Variants in IZUMO1 observed in about 807,000 individuals in gnomAD.
IZUMO1 encodes the protein izumo sperm-egg fusion protein 1.
A neutral mutation model predicts 40.7 loss-of-function variants in IZUMO1; 44 were observed. That is an observed-to-expected ratio of 1.08 (90% CI 0.85 to 1.39). The LOEUF (loss-of-function observed/expected upper bound fraction) is 1.39. IZUMO1 is among the 40% of genes most tolerant of loss of function. The pLI, the probability that IZUMO1 is intolerant of heterozygous loss-of-function variation, is 0.00. For missense variants in IZUMO1, 368 were observed against 436.9 expected, an observed-to-expected ratio of 0.84 and a Z score of 1.41; for synonymous variants, 149 against 170.9, an observed-to-expected ratio of 0.87 and a Z score of 1.00.
chr19:48,743,096 A>G, intron 6 of IZUMO1: 1 of 291,430 alleles, frequency 3.4e-6, no homozygotes, highest in South Asian at 3.7e-5. Context: ...GTATGATCAT[A>G]GCTTACTGCA....
At chr19:48,745,446 A>C in intron 2 of IZUMO1, 158 bp from the exon 3 acceptor site, 1 of 1,020,980 alleles carries the variant, frequency 9.8e-7, no homozygotes, top group Non-Finnish European at 1.5e-6. Flanking sequence ...TTATTACATA[A>C]AATTGCCAGC....
rs753700594 is a variant in IZUMO1, at chr19:48,742,342, G to A, written c.500-33C>T. 4 of 1,492,572 alleles carry A rather than the reference G, an allele frequency of 2.7e-6. No homozygotes were observed. The Admixed American group carries it at 6.7e-5, about 25-fold the overall frequency. 92.5% of individuals were successfully genotyped at this position (1,492,572 alleles called of 1,614,324 possible). On this transcript the variant is annotated intron_variant, in intron 6 of 9. Transcript: ENST00000332955. The stretch of plus-strand genomic sequence containing the variant: ...TGGGGGATGACCATGGGACACTCAT[G>A]ATTCTGTTTTTGTTTTTGTTTTTGA...
In IZUMO1 at chr19:48,744,479, GT is replaced by G. The variant is rs1365043184; in HGVS notation, c.370del (p.Thr124ProfsTer18). On this transcript the variant is annotated frameshift_variant, in exon 4 of 10. Coordinates refer to ENST00000332955, the MANE Select transcript of IZUMO1 (RefSeq NM_182575.3). LOFTEE classifies it high-confidence loss of function. ...MLHLQKETFA[T>X]YVARFQKEAY... ...CTCTTTTTGGAATCGAGCAACATAGGTGGCAAAGGTTTCCTTTTGCAAGTGC... is the reference window on the plus strand; with the variant it reads ...CTCTTTTTGGAATCGAGCAACATAGGGGCAAAGGTTTCCTTTTGCAAGTGC... 3.1e-6 allele frequency: 5 copies of G among 1,613,808 alleles called. No individual in the cohort carries two copies. The highest frequency in any genetic ancestry group is 4.2e-6 in the Non-Finnish European group (5 of 1,179,826).
In IZUMO1 at chr19:48,741,967, T is replaced by C. The variant is rs758498440; in HGVS notation, c.601-25A>G. ...CCTAGACCCAAGCTCAAGGGGTCAC[T>C]GAGGCCTGAGGAATTCAGGGGTTGG... is the stretch of plus-strand genomic sequence containing the variant. On this transcript the variant is annotated intron_variant, in intron 7 of 9. Transcript: ENST00000332955. The surrounding 1 kb of genome is among the most constrained non-coding windows in gnomAD (Gnocchi z 4.4). 2.6e-6 allele frequency: 4 copies of C among 1,566,116 alleles called. No homozygotes were observed. The highest frequency in any genetic ancestry group is 2.6e-6 in the Non-Finnish European group (3 of 1,151,544).
rs149283178 is a variant in IZUMO1, at chr19:48,742,239, C to G, written c.570G>C (p.Ser190=). 6.2e-7 allele frequency: 1 copy of G among 1,614,078 alleles called. No individual in the cohort carries two copies. Among genetic ancestry groups the G allele is most frequent in the East Asian group, 2.2e-5 (1 of 44,878 alleles). The change falls in exon 7 of 10, where the codon TCG becomes TCC. Residue 190 remains serine (S), a synonymous_variant. Transcript: ENST00000332955. ...AAAAGCTGTAATCAGTGAGGCCTTC[C>G]GAAGCCTGATGCCAGTTTAACTCAC... is the stretch of plus-strand genomic sequence containing the variant. The part of the protein sequence containing the change: ...LDCELNWHQA[S]EGLTDYSFYR...
intron 7 of IZUMO1, 98 bp downstream of exon 7, chr19:48,742,111 C>T: frequency 6.7e-7 from 1 of 1,482,594 alleles, no homozygotes; most frequent in South Asian, 1.2e-5. Context: ...ATAGACCACC[C>T]TCCTGGGTCA....
chr19:48,742,725 C>CTTTTTTTTT (rs34894807), intron 6 of IZUMO1, among the ~76,000 whole-genome samples: 2 of 93,510 alleles, frequency 2.1e-5, no homozygotes, highest in African/African-American at 4.4e-5. Context: ...TTCTCTCTCT[C>CTTTTTTTTT]TTTTTTTTTT....
chr19:48,746,108 T>C (rs2033876223), intron 1 of IZUMO1, 176 bp from the exon 2 acceptor site: 1 of 1,365,236 alleles, frequency 7.3e-7, no homozygotes, highest in African/African-American at 1.5e-5. Context: ...GACCCAAAAT[T>C]TAGGGTTCTC....
chr19:48,744,081 A>G (rs1270639920), intron 5 of IZUMO1, 94 bp downstream of exon 5: 1 of 1,129,246 alleles, frequency 8.9e-7, no homozygotes, highest in Non-Finnish European at 1.3e-6. Flanking sequence ...TCCAAGGCAG[A>G]GAATGACAAA....
chr19:48,746,102 C>T lies in IZUMO1; in HGVS notation c.-73-170G>A, dbSNP rs145144990. The stretch of plus-strand genomic sequence containing the variant: ...AAACTGAGCCCCAATCCAGGGGACC[C>T]AAAATTTAGGGTTCTCACTGAATCC... On this transcript the variant is annotated intron_variant, in intron 1 of 9. Transcript: ENST00000332955. 5,309 of 1,370,932 alleles carry T rather than the reference C, an allele frequency of 3.9e-3. 19 individuals are homozygous for T. Among genetic ancestry groups the T allele is most frequent in the Middle Eastern group, 0.013 (47 of 3,636 alleles). 84.9% of individuals were successfully genotyped at this position (1,370,932 alleles called of 1,614,324 possible). A position where few individuals can be genotyped will look rare whatever the true frequency, so the allele number is the denominator to read the frequency against.
At chr19:48,743,345 C>A (rs932526506) in intron 6 of IZUMO1, 100 bp downstream of exon 6, 11 of 1,108,812 alleles carry the variant, frequency 9.9e-6, no homozygotes, top group Non-Finnish European at 1.5e-5. Flanking sequence ...CTTTTCTTGT[C>A]TACTGCCCCC....
Position 48,744,173 on chromosome 19 carries a change from A to G in IZUMO1, c.418+2T>C, listed in dbSNP as rs1340352602. 1.2e-6 allele frequency: 2 copies of G among 1,613,320 alleles called. No homozygotes were observed. Among genetic ancestry groups the G allele is most frequent in the African/African-American group, 1.3e-5 (1 of 74,920 alleles). The stretch of plus-strand genomic sequence containing the variant: ...GGGTTAACTTCTGTAATCCAGACTC[A>G]CCACATTTGTTGGGACAATAAGCTG... On this transcript the variant is annotated splice_donor_variant, in intron 5 of 9. Transcript: ENST00000332955. LOFTEE classifies it high-confidence loss of function.
At position 48,741,723 on chromosome 19, in the gene IZUMO1, C is replaced by T; in HGVS notation, c.754+66G>A. 1 of 1,494,672 alleles carries T rather than the reference C, an allele frequency of 6.7e-7. No homozygotes were observed. Among genetic ancestry groups the T allele is most frequent in the Non-Finnish European group, 8.9e-7 (1 of 1,118,450 alleles). The allele number at this position is 1,494,672 out of a possible 1,614,324, so 92.6% of individuals were successfully genotyped here. A position where few individuals can be genotyped will look rare whatever the true frequency, so the allele number is the denominator to read the frequency against. On this transcript the variant is annotated intron_variant, in intron 8 of 9. Coordinates refer to ENST00000332955, the MANE Select transcript of IZUMO1 (RefSeq NM_182575.3). The surrounding 1 kb of genome is among the most constrained non-coding windows in gnomAD (Gnocchi z 4.4). ...ACGCCCCCATCGCCAAGGCCACGCC[C>T]CCGCCGCGGACCCCAGCTTTCCTGG... is the stretch of plus-strand genomic sequence containing the variant.
rs773135233 is a variant in IZUMO1 at position 48,741,943 on chromosome 19, C to A, written c.601-1G>T. On this transcript the variant is annotated splice_acceptor_variant, in intron 7 of 9. Transcript: ENST00000332955. LOFTEE classifies it high-confidence loss of function. The surrounding 1 kb of genome is among the most constrained non-coding windows in gnomAD (Gnocchi z 4.4). Reference sequence around the variant, plus strand: ...AGGTCTCCGTATTGTTCCCCCAAACCTAGACCCAAGCTCAAGGGGTCACTG... The same window carrying A: ...AGGTCTCCGTATTGTTCCCCCAAACATAGACCCAAGCTCAAGGGGTCACTG... 1 of 1,593,532 alleles carries A rather than the reference C, an allele frequency of 6.3e-7. No homozygotes were observed.
Position 48,741,926 on chromosome 19 carries a change from G to A in IZUMO1, c.617C>T (p.Thr206Met). The change falls in exon 8 of 10, where the codon ACG (threonine) becomes ATG (methionine). Residue 206 changes from threonine (T) to methionine (M), a missense_variant. Transcript: ENST00000332955. This position sits in a 1 kb window ranked among gnomAD's most constrained non-coding sequence, Gnocchi z 4.4. Reference protein sequence around the residue: ...YSFYRVWGNNTETLVSKGKEA... With the variant: ...YSFYRVWGNNMETLVSKGKEA... ...TTTCCCCTTGGACACCAAGGTCTCC[G>A]TATTGTTCCCCCAAACCTAGACCCA... 1 of 1,604,960 alleles carries A rather than the reference G, an allele frequency of 6.2e-7. No individual in the cohort carries two copies. Among genetic ancestry groups the A allele is most frequent in the Non-Finnish European group, 8.5e-7 (1 of 1,174,046 alleles).
chr19:48,743,927 G>A, intron 5 of IZUMO1: 1 of 517,132 alleles, frequency 1.9e-6, no homozygotes, highest in Non-Finnish European at 3.5e-6. Flanking sequence ...GGAGGTGGAG[G>A]TTGCAGTGAG....
chr19:48,743,278 A>C (rs1178571341), intron 6 of IZUMO1, 167 bp downstream of exon 6: 1 of 623,884 alleles, frequency 1.6e-6, no homozygotes, highest in Non-Finnish European at 2.8e-6. Context: ...CTCCCGTCTC[A>C]GCCTCTCGAA....
In IZUMO1 at chr19:48,745,450, T is replaced by C. The variant is rs778810242; in HGVS notation, c.236-162A>G. ...GAGTTGTAGTTTTATTACATAAAAT[T>C]GCCAGCCGAGGATAGGGAAAACGGT... On this transcript the variant is annotated intron_variant, in intron 2 of 9. Transcript: ENST00000332955. 4.9e-6 allele frequency: 5 copies of C among 1,019,646 alleles called. No individual in the cohort carries two copies. In the Admixed American group the frequency reaches 7.4e-5, roughly 15 times the overall value. The allele number at this position is 1,019,646 out of a possible 1,614,324, so 63.2% of individuals were successfully genotyped here.
In IZUMO1 at chr19:48,741,017, C is replaced by T. The variant is rs755650480; in HGVS notation, c.944G>A (p.Arg315Gln). The change falls in exon 10 of 10, where the codon CGA (arginine) becomes CAA (glutamine). Residue 315 changes from arginine to glutamine, a missense_variant. Transcript: ENST00000332955. This position sits in a 1 kb window ranked among gnomAD's most constrained non-coding sequence, Gnocchi z 4.4. ...TTTGATGAAATCGATCACCTTCCTT[C>T]GACGAAATATCCTAGGGGTGGGAGT... ...ITGLTFAIFR[R>Q]RKVIDFIKSS... 1.3e-5 allele frequency: 21 copies of T among 1,613,904 alleles called. No homozygotes were observed. Among genetic ancestry groups the T allele is most frequent in the South Asian group, 1.1e-4 (10 of 91,064 alleles).
Sources: allele counts gnomAD v4.1 joint callset (sites outside exome capture counted in the v4.1 genomes callset), GRCh38; gene constraint gnomAD v4.1.1; non-coding constraint Gnocchi (gnomAD v3.1); transcripts MANE v1.5; gene names NCBI Gene and HGNC (gene_info 2026-07-23, HGNC 2026-07-21).